Variants in MGAT5 observed in about 807,000 individuals in gnomAD.
MGAT5 encodes the protein alpha-1,6-mannosylglycoprotein 6-beta-N-acetylglucosaminyltransferase.
Under a neutral mutation model 94.3 loss-of-function variants are expected in MGAT5, and 30 were observed. The ratio of observed to expected loss-of-function variants is 0.32; its 90% CI spans 0.24 to 0.43. MGAT5 has a LOEUF of 0.43. Among genes scored for constraint, MGAT5 ranks in the 20% least tolerant of loss-of-function variants. The pLI, the probability that MGAT5 is intolerant of heterozygous loss-of-function variation, is 1.00. For synonymous variants in MGAT5, 310 were observed against 322.9 expected (o/e 0.96, Z 0.43); for missense variants, 691 against 905.5 (o/e 0.76, Z 3.04).
At chr2:134,356,386 C>G (rs911127268) in intron 9 of MGAT5, among the ~76,000 whole-genome samples, 2 of 152,166 alleles carry the variant, frequency 1.3e-5, no homozygotes, top group East Asian at 1.9e-4. Flanking sequence ...ACAGAGCTGA[C>G]TAAGCCTAAG....
chr2:134,282,906 G>A (rs1006924065), intron 2 of MGAT5, among the ~76,000 whole-genome samples: 3 of 151,948 alleles, frequency 2.0e-5, no homozygotes, highest in African/African-American at 7.3e-5. Flanking sequence ...AACAGCCCAG[G>A]GCACATTCTT....
chr2:134,226,625 T>C (rs1681078031), intron 1 of MGAT5, among the ~76,000 whole-genome samples: 1 of 152,180 alleles, frequency 6.6e-6, no homozygotes, highest in Non-Finnish European at 1.5e-5. Flanking sequence ...TTCAAGATGA[T>C]GTTAAGAATG....
chr2:134,191,011 T>A (rs1573827722), intron 1 of MGAT5, among the ~76,000 whole-genome samples: 1 of 152,306 alleles, frequency 6.6e-6, no homozygotes, highest in Non-Finnish European at 1.5e-5. Context: ...TGGTCTCCAA[T>A]TCCTGGGCTC....
intron 1 of MGAT5, among the ~76,000 whole-genome samples, chr2:134,169,704 C>A (rs1688118715): frequency 6.6e-6 from 1 of 152,074 alleles, no homozygotes; most frequent in African/African-American, 2.4e-5. Flanking sequence ...CTATAAATTT[C>A]TATTAATGTT....
At chr2:134,388,423 G>C (rs1160601750) in intron 10 of MGAT5, among the ~76,000 whole-genome samples, 1 of 150,142 alleles carries the variant, frequency 6.7e-6, no homozygotes, top group African/African-American at 2.5e-5. Flanking sequence ...GTATCTCTAA[G>C]ATATGAAGAT....
intron 9 of MGAT5, among the ~76,000 whole-genome samples, chr2:134,359,865 G>A (rs929414094): frequency 6.6e-6 from 1 of 152,206 alleles, no homozygotes; most frequent in African/African-American, 2.4e-5. Context: ...GCTCCAGCTG[G>A]TGTTCAGATC....
chr2:134,272,328 G>A (rs1684082056), intron 2 of MGAT5, among the ~76,000 whole-genome samples: 1 of 151,690 alleles, frequency 6.6e-6, no homozygotes, highest in Non-Finnish European at 1.5e-5. Flanking sequence ...CACTGGTGCT[G>A]TGTTTTTAAT....
At chr2:134,356,983 G>A (rs1369509761) in intron 9 of MGAT5, among the ~76,000 whole-genome samples, 1 of 151,990 alleles carries the variant, frequency 6.6e-6, no homozygotes, top group Non-Finnish European at 1.5e-5. Flanking sequence ...CAGTATTTAT[G>A]TTTCACTTAT....
At chr2:134,240,686 C>T (rs2105443511) in intron 1 of MGAT5, among the ~76,000 whole-genome samples, 1 of 152,110 alleles carries the variant, frequency 6.6e-6, no homozygotes, top group South Asian at 2.1e-4. Context: ...TGCTATTTTC[C>T]CTGTAGTCAA....
At chr2:134,146,835 C>A (rs956982448) in intron 1 of MGAT5, among the ~76,000 whole-genome samples, 2 of 152,118 alleles carry the variant, frequency 1.3e-5, no homozygotes, top group Non-Finnish European at 2.9e-5. Context: ...TTCTCTTCTG[C>A]ATTTCATTGG....
chr2:134,258,857 G>C (rs1683144020), intron 1 of MGAT5, among the ~76,000 whole-genome samples: 2 of 152,160 alleles, frequency 1.3e-5, no homozygotes, highest in Admixed American at 1.3e-4. Context: ...TTTAAAGTGG[G>C]GTGTCAGTGC....
At chr2:134,420,862 A>T (rs1300292495) in intron 12 of MGAT5, among the ~76,000 whole-genome samples, 1 of 152,276 alleles carries the variant, frequency 6.6e-6, no homozygotes, top group Non-Finnish European at 1.5e-5. Flanking sequence ...ATAAAGCAAT[A>T]CATATTTCAG....
intron 1 of MGAT5, among the ~76,000 whole-genome samples, chr2:134,192,003 C>G (rs1679239651): frequency 1.3e-5 from 2 of 150,468 alleles, no homozygotes; most frequent in African/African-American, 4.9e-5. Context: ...GGGTTCGCGC[C>G]CTCCTCCTCG....
chr2:134,429,654 ATTATT>A (rs899948096), intron 14 of MGAT5, among the ~76,000 whole-genome samples: 1 of 152,212 alleles, frequency 6.6e-6, no homozygotes, highest in Non-Finnish European at 1.5e-5. Flanking sequence ...GGTACTGTTG[ATTATT>A]TAATACATTA....
chr2:134,163,475 A>G (rs951395221), intron 1 of MGAT5, among the ~76,000 whole-genome samples: 1 of 152,166 alleles, frequency 6.6e-6, no homozygotes, highest in Admixed American at 6.5e-5. Flanking sequence ...GGAGACAGTT[A>G]AGACAGGGAC....
At position 134,396,925 on chromosome 2, in the gene MGAT5, G is replaced by T. The variant is rs113474963; in HGVS notation, c.1381-6063G>T. 1.8e-3 allele frequency among the ~76,000 whole-genome samples: 277 copies of T among 152,366 alleles called. 2 individuals are homozygous for T. Among genetic ancestry groups the T allele is most frequent in the East Asian group, 0.018 (94 of 5,186 alleles). ...CCAGGACTGCCTGCTTGTAAAGGAG[G>T]AGGAGGCAGGAGTCCATCCAGAAGA... On this transcript the variant is annotated intron_variant, in intron 10 of 15. Transcript: ENST00000281923.
chr2:134,338,511 TCTCAA>T, intron 6 of MGAT5, 91 bp downstream of exon 6: 2 of 1,356,584 alleles, frequency 1.5e-6, no homozygotes, highest in Non-Finnish European at 2.0e-6. Context: ...AAATGTCATA[TCTCAA>T]ATGATATTCT....
intron 12 of MGAT5, among the ~76,000 whole-genome samples, chr2:134,420,383 C>A (rs943100763): frequency 1.5e-4 from 23 of 152,224 alleles, no homozygotes; most frequent in African/African-American, 5.1e-4. Flanking sequence ...AGAGCTGAGC[C>A]GAGGAAGACA....
chr2:134,224,771 T>G (rs1680969185), intron 1 of MGAT5, among the ~76,000 whole-genome samples: 1 of 152,076 alleles, frequency 6.6e-6, no homozygotes, highest in South Asian at 2.1e-4. Flanking sequence ...CAAAGATCAC[T>G]GGGTGCCTTA....
Sources: gnomAD v4.1 joint callset for allele counts (sites outside exome capture counted in the v4.1 genomes callset) on GRCh38, gnomAD v4.1.1 for gene constraint, MANE v1.5 for transcripts, NCBI Gene and HGNC (gene_info 2026-07-23, HGNC 2026-07-21) for gene names.